Variants in XYLT1 observed in about 807,000 individuals in gnomAD.
XYLT1 encodes xylosyltransferase 1, also known as beta-D-xylosyltransferase 1.
XYLT1 carries 36 observed loss-of-function variants against 91.3 expected under a neutral mutation model. The ratio of observed to expected loss-of-function variants is 0.39; its 90% CI spans 0.30 to 0.52. The LOEUF is 0.52. Among genes scored for constraint, XYLT1 ranks in the 20% least tolerant of loss-of-function variants. The pLI is 0.68. For synonymous variants in XYLT1, 588 were observed against 532.0 expected, an observed-to-expected ratio of 1.11 and a Z score of -1.45; for missense variants, 1,242 against 1,284.5, an observed-to-expected ratio of 0.97 and a Z score of 0.51.
Position 17,435,266 on chromosome 16 carries a change from C to T in XYLT1, c.363+35168G>A, listed in dbSNP as rs183161172. Among the ~76,000 whole-genome samples the T allele has an allele frequency of 5.2e-3, 786 of 152,306 alleles. 3 individuals are homozygous for T. The highest frequency in any genetic ancestry group is 7.0e-3 in the Non-Finnish European group (476 of 68,020). On this transcript the variant is annotated intron_variant, in intron 1 of 11. Coordinates refer to ENST00000261381, the MANE Select transcript of XYLT1 (RefSeq NM_022166.4). ...GAACTCTCCATTCACTGACTTTTCA[C>T]ATAAATAGACTCCAAAGCAGAAATG...
At chr16:17,226,725 G>A (rs2033072834) in intron 3 of XYLT1, among the ~76,000 whole-genome samples, 1 of 151,900 alleles carries the variant, frequency 6.6e-6, no homozygotes, top group Non-Finnish European at 1.5e-5. Context: ...AGAGATTGCA[G>A]TGAGCCGAGA....
At chr16:17,202,292 C>T (rs910317951) in intron 3 of XYLT1, among the ~76,000 whole-genome samples, 12 of 152,254 alleles carry the variant, frequency 7.9e-5, no homozygotes, top group African/African-American at 2.4e-4. Flanking sequence ...ATTAGGACAT[C>T]GGGAGTCTAA....
rs2036983415 is a variant in XYLT1 at position 17,470,878 on chromosome 16, C to A, written c.-82G>T. 3 of 827,278 alleles carry A rather than the reference C, an allele frequency of 3.6e-6. No individual in the cohort carries two copies. The highest frequency in any genetic ancestry group is 4.0e-6 in the Non-Finnish European group (3 of 755,640). The allele number at this position is 827,278 out of a possible 1,614,324, so 51.2% of individuals were successfully genotyped here. On this transcript the variant is annotated 5_prime_UTR_variant, in exon 1 of 12. Transcript: ENST00000261381. ...CCCGCGCTCCCCGCAGCTCCCGCGG[C>A]CGCCGGCTGCCGCTCGGGCTCCCGC...
intron 5 of XYLT1, among the ~76,000 whole-genome samples, chr16:17,189,107 G>T (rs1373158758): frequency 6.6e-6 from 1 of 152,196 alleles, no homozygotes; most frequent in Non-Finnish European, 1.5e-5. Context: ...GAGTAGAGAA[G>T]TATCTTCACT....
At chr16:17,268,746 C>T (rs1200214171) in intron 2 of XYLT1, among the ~76,000 whole-genome samples, 1 of 150,812 alleles carries the variant, frequency 6.6e-6, no homozygotes, top group East Asian at 2.0e-4. Flanking sequence ...AATCTCGGCT[C>T]ACCGCAACCT....
intron 1 of XYLT1, among the ~76,000 whole-genome samples, chr16:17,413,490 A>G (rs551305402): frequency 7.3e-5 from 11 of 151,532 alleles, no homozygotes; most frequent in Admixed American, 2.0e-4. Flanking sequence ...CCAGGCTAGA[A>G]TGCAGTGGTG....
chr16:17,444,223 G>A (rs965524698), intron 1 of XYLT1, among the ~76,000 whole-genome samples: 62 of 152,184 alleles, frequency 4.1e-4, no homozygotes, highest in Admixed American at 3.3e-3. Flanking sequence ...CATAGTCACC[G>A]TCTAATACAC....
At chr16:17,379,763 T>TCTCTCTTTCTCACACACACACACACA in intron 1 of XYLT1, among the ~76,000 whole-genome samples, 1 of 125,622 alleles carries the variant, frequency 8.0e-6, no homozygotes, top group African/African-American at 3.1e-5. Flanking sequence ...TCTCTCTCTC[T>TCTCTCTTTCTCACACACACACACACA]CACACACACA....
chr16:17,271,462 G>A (rs570196605), intron 2 of XYLT1, among the ~76,000 whole-genome samples: 5 of 151,838 alleles, frequency 3.3e-5, no homozygotes, highest in African/African-American at 1.2e-4. Flanking sequence ...AGACAGAGAG[G>A]GAGACACACA....
intron 1 of XYLT1, among the ~76,000 whole-genome samples, chr16:17,458,312 C>T (rs1260689347): frequency 6.6e-6 from 1 of 152,094 alleles, no homozygotes; most frequent in East Asian, 1.9e-4. Context: ...ATTTGGGGAC[C>T]CATTCATCAT....
intron 1 of XYLT1, among the ~76,000 whole-genome samples, chr16:17,359,595 A>G (rs1043761676): frequency 6.6e-6 from 1 of 152,218 alleles, no homozygotes; most frequent in East Asian, 1.9e-4. Context: ...GAAACTGCCA[A>G]GAGAACATCC....
chr16:17,167,070 GA>G (rs1290079525), intron 5 of XYLT1, among the ~76,000 whole-genome samples: 1 of 152,208 alleles, frequency 6.6e-6, no homozygotes, highest in Non-Finnish European at 1.5e-5. Context: ...AATAAACTAG[GA>G]CTGGAAGAGC....
At chr16:17,323,886 T>C (rs766799833) in intron 2 of XYLT1, among the ~76,000 whole-genome samples, 8 of 152,186 alleles carry the variant, frequency 5.3e-5, no homozygotes, top group Non-Finnish European at 7.3e-5. Flanking sequence ...GCGCAGATAA[T>C]ACTAAAAGCA....
intron 1 of XYLT1, among the ~76,000 whole-genome samples, chr16:17,363,545 T>C (rs575013701): frequency 6.6e-6 from 1 of 152,236 alleles, no homozygotes; most frequent in African/African-American, 2.4e-5. Flanking sequence ...TTCCTCTTCT[T>C]TTTGGGGTGC....
In XYLT1 at chr16:17,108,809, C is replaced by G. The variant is rs371058087; in HGVS notation, c.2766G>C (p.Thr922=). ...GCATGACCGGGCAGGCTGTGGGGCC[C>G]GTGGCACAGATGTCCATGGCAGTCC... is the stretch of plus-strand genomic sequence containing the variant. ...GMWTAMDICA[T]GPTACPVMQT... The change falls in exon 12 of 12, where the codon ACG becomes ACC. Residue 922 remains threonine, a synonymous_variant. Coordinates refer to ENST00000261381, the MANE Select transcript of XYLT1 (RefSeq NM_022166.4). 45 of 1,612,100 alleles carry G rather than the reference C, an allele frequency of 2.8e-5. No individual in the cohort carries two copies. The highest frequency in any genetic ancestry group is 3.7e-5 in the Non-Finnish European group (44 of 1,179,936).
intron 1 of XYLT1, among the ~76,000 whole-genome samples, chr16:17,393,035 C>G (rs2035839838): frequency 6.6e-6 from 1 of 152,156 alleles, no homozygotes; most frequent in Non-Finnish European, 1.5e-5. Context: ...TCTTTCCTTC[C>G]TCCTTCCCCT....
intron 6 of XYLT1, among the ~76,000 whole-genome samples, chr16:17,152,838 T>A (rs1030925679): frequency 6.6e-6 from 1 of 152,250 alleles, no homozygotes; most frequent in Non-Finnish European, 1.5e-5. Flanking sequence ...TTTGAAATGA[T>A]AGCTGTTTCT....
At chr16:17,299,574 T>G (rs2034363542) in intron 2 of XYLT1, among the ~76,000 whole-genome samples, 1 of 152,198 alleles carries the variant, frequency 6.6e-6, no homozygotes. Flanking sequence ...TAGCGTCCCT[T>G]CCACCTCGCT....
At chr16:17,111,479 T>C (rs1417035826) in intron 11 of XYLT1, among the ~76,000 whole-genome samples, 8 of 152,140 alleles carry the variant, frequency 5.3e-5, no homozygotes, top group Admixed American at 4.6e-4. Flanking sequence ...ATAGCTAGGA[T>C]TACAAGAAAC....
Sources: gnomAD v4.1 joint callset for allele counts (sites outside exome capture counted in the v4.1 genomes callset) on GRCh38, gnomAD v4.1.1 for gene constraint, MANE v1.5 for transcripts, NCBI Gene and HGNC (gene_info 2026-07-23, HGNC 2026-07-21) for gene names.